ANKRD31: variants seen among roughly 807,000 people sequenced by gnomAD.
ANKRD31 encodes the protein ankyrin repeat domain 31.
Under a neutral mutation model 186.0 loss-of-function variants are expected in ANKRD31, and 147 were observed. The observed-to-expected ratio is 0.79, with a 90% confidence interval of 0.69 to 0.91. ANKRD31 has a LOEUF of 0.91. Among genes scored for constraint, ANKRD31 ranks in the 40% least tolerant of loss-of-function variants. ANKRD31 has a pLI of 0.00. For missense variants in ANKRD31, 1,986 were observed against 2,148.8 expected (o/e 0.92, Z 1.50); for synonymous variants, 673 against 736.4 (o/e 0.91, Z 1.39).
At chr5:75,134,952 C>T (rs1475204269) in intron 17 of ANKRD31, among the ~76,000 whole-genome samples, 1 of 152,078 alleles carries the variant, frequency 6.6e-6, no homozygotes, top group East Asian at 1.9e-4. Flanking sequence ...AAAAGGCCTG[C>T]AACAAAAGTC....
intron 7 of ANKRD31, among the ~76,000 whole-genome samples, chr5:75,195,104 C>T (rs1429027688): frequency 1.3e-5 from 2 of 152,132 alleles, no homozygotes; most frequent in African/African-American, 2.4e-5. Context: ...AGAGCTATGC[C>T]ACCTGATAGT....
intron 10 of ANKRD31, among the ~76,000 whole-genome samples, chr5:75,172,280 A>C (rs1753389543): frequency 6.6e-6 from 1 of 151,912 alleles, no homozygotes; most frequent in Non-Finnish European, 1.5e-5. Flanking sequence ...AATTCACCAC[A>C]GTAGTGAAAT....
At chr5:75,173,216 T>C (rs545477025) in intron 10 of ANKRD31, among the ~76,000 whole-genome samples, 30 of 152,100 alleles carry the variant, frequency 2.0e-4, no homozygotes, top group African/African-American at 6.7e-4. Flanking sequence ...CTCAATAAAC[T>C]AGGTATTGAT....
intron 17 of ANKRD31, among the ~76,000 whole-genome samples, chr5:75,133,280 G>A (rs1198223957): frequency 6.6e-6 from 1 of 152,046 alleles, no homozygotes; most frequent in African/African-American, 2.4e-5. Flanking sequence ...CACGTGCAGA[G>A]ACACACATAG....
chr5:75,188,625 A>C lies in ANKRD31; in HGVS notation c.1432T>G (p.Ser478Ala). 6.5e-7 allele frequency: 1 copy of C among 1,531,138 alleles called. No homozygotes were observed. The highest frequency in any genetic ancestry group is 8.7e-7 in the Non-Finnish European group (1 of 1,144,960). The allele number at this position is 1,531,138 out of a possible 1,614,324, so 94.8% of individuals were successfully genotyped here. Reference protein sequence around the residue: ...KKEKMKVNKISLHSINRRNIF... With the variant: ...KKEKMKVNKIALHSINRRNIF... ...TTTCTCCGGTTAATGCTATGAAGAG[A>C]TATTTTGTTCACCTTCATTTTTTCT... Residue 478 changes from serine (S) to alanine (A), a missense_variant, in exon 10 of 26, where the codon TCT becomes GCT. Ser to Ala is a moderately conservative substitution (Grantham distance 99). Transcript: ENST00000506364.
chr5:75,120,432 C>T (rs2150087317), intron 17 of ANKRD31, among the ~76,000 whole-genome samples: 1 of 152,118 alleles, frequency 6.6e-6, no homozygotes, highest in Admixed American at 6.5e-5. Context: ...TTGCAAGAGG[C>T]AAGCAAGTAA....
intron 4 of ANKRD31, among the ~76,000 whole-genome samples, chr5:75,206,953 G>A (rs1756292776): frequency 6.6e-6 from 1 of 152,172 alleles, no homozygotes; most frequent in Non-Finnish European, 1.5e-5. Flanking sequence ...CAAAGAAAAG[G>A]TAGGGAATAC....
At chr5:75,233,223 C>T (rs992976512) in intron 1 of ANKRD31, among the ~76,000 whole-genome samples, 2 of 151,724 alleles carry the variant, frequency 1.3e-5, no homozygotes, top group South Asian at 2.1e-4. Flanking sequence ...CCACCATGCC[C>T]GGTTAATTTT....
intron 4 of ANKRD31, among the ~76,000 whole-genome samples, chr5:75,207,712 TATAA>T (rs1192831788): frequency 1.3e-5 from 2 of 152,078 alleles, no homozygotes; most frequent in Non-Finnish European, 2.9e-5. Context: ...AAAACAAAAA[TATAA>T]ATAAAGCCTA....
intron 14 of ANKRD31, among the ~76,000 whole-genome samples, chr5:75,145,262 C>T (rs1263952981): frequency 6.6e-6 from 1 of 152,064 alleles, no homozygotes; most frequent in Non-Finnish European, 1.5e-5. Flanking sequence ...GCTTATAAAT[C>T]ATTCTACTAT....
chr5:75,177,262 G>A (rs965623793), intron 10 of ANKRD31, among the ~76,000 whole-genome samples: 12 of 152,142 alleles, frequency 7.9e-5, no homozygotes, highest in Admixed American at 2.0e-4. Flanking sequence ...TCTAATTGCC[G>A]TACCTGAAAG....
chr5:75,104,358 C>G lies in ANKRD31; in HGVS notation c.5201G>C (p.Gly1734Ala). The G allele has an allele frequency of 6.5e-7, 1 of 1,536,934 alleles. No homozygotes were observed. Among genetic ancestry groups the G allele is most frequent in the Non-Finnish European group, 8.7e-7 (1 of 1,146,844 alleles). The change falls in exon 22 of 26, where the codon GGG (glycine) becomes GCG (alanine). Residue 1734 changes from glycine (G) to alanine (A), a missense_variant. Transcript: ENST00000506364. ...DSQISSSSGSGQQDTIKKALN... is the reference protein window; with the variant it reads ...DSQISSSSGSAQQDTIKKALN... ...AGCCTTTTTTATTGTATCTTGTTGC[C>G]CAGATCCAGAGGAAGAGGAGATCTG...
At chr5:75,130,036 G>T (rs1749635146) in intron 17 of ANKRD31, among the ~76,000 whole-genome samples, 1 of 152,238 alleles carries the variant, frequency 6.6e-6, no homozygotes, top group South Asian at 2.1e-4. Context: ...GAGTGTTACA[G>T]TTCTTAAAGA....
intron 12 of ANKRD31, among the ~76,000 whole-genome samples, chr5:75,150,613 G>A (rs1188033132): frequency 2.6e-5 from 4 of 151,948 alleles, no homozygotes; most frequent in Non-Finnish European, 5.9e-5. Flanking sequence ...ATGGAGAAAT[G>A]TTTGGGATTC....
chr5:75,224,133 A>ATATATATATATATATATATATATG (rs1757477514), intron 2 of ANKRD31, among the ~76,000 whole-genome samples: 3 of 53,800 alleles, frequency 5.6e-5, no homozygotes, highest in East Asian at 8.8e-4. Flanking sequence ...AAATAATTAT[A>ATATATATATATATATATATATATG]TATATATATA....
chr5:75,075,630 C>T (rs1219558400), intron 25 of ANKRD31, among the ~76,000 whole-genome samples: 1 of 152,030 alleles, frequency 6.6e-6, no homozygotes, highest in Non-Finnish European at 1.5e-5. Flanking sequence ...ACCACCAATC[C>T]AACCATACCC....
rs1444192689 is a variant in ANKRD31 at position 75,118,182 on chromosome 5, C to T, written c.3992G>A (p.Gly1331Asp). The change falls in exon 18 of 26, where the codon GGT becomes GAT. Residue 1331 changes from glycine to aspartate, a missense_variant. Gly to Asp is a moderately conservative substitution (Grantham distance 94). Coordinates refer to ENST00000506364, the MANE Select transcript of ANKRD31 (RefSeq NM_001372053.1). Reference protein sequence around the residue: ...EKMKELLRSYGAIETVNRDES... With the variant: ...EKMKELLRSYDAIETVNRDES... ...ATCTCTATTAACAGTCTCAATAGCACCATAAGATCTTAGTAATTCTTTCAT... is the reference window on the plus strand; with the variant it reads ...ATCTCTATTAACAGTCTCAATAGCATCATAAGATCTTAGTAATTCTTTCAT... The T allele has an allele frequency of 6.6e-7, 1 of 1,525,224 alleles. No homozygotes were observed. Among genetic ancestry groups the T allele is most frequent in the Non-Finnish European group, 8.7e-7 (1 of 1,143,274 alleles). 94.5% of individuals were successfully genotyped at this position (1,525,224 alleles called of 1,614,324 possible). A position where few individuals can be genotyped will look rare whatever the true frequency, so the allele number is the denominator to read the frequency against.
chr5:75,079,795 C>T (rs971116810), intron 25 of ANKRD31, among the ~76,000 whole-genome samples: 2 of 152,074 alleles, frequency 1.3e-5, no homozygotes, highest in African/African-American at 4.8e-5. Flanking sequence ...CCTCTTATAT[C>T]CCACAATTAG....
At chr5:75,229,869 AAAAAAAAAAAAAAAAAAAC>A (rs1275833342) in intron 2 of ANKRD31, among the ~76,000 whole-genome samples, 2 of 105,974 alleles carry the variant, frequency 1.9e-5, no homozygotes, top group East Asian at 5.4e-4. Flanking sequence ...TGTCTCAAAA[AAAAAAAAAAAAAAAAAAAC>A]AAAAAAAACA....
Sources: allele counts gnomAD v4.1 joint callset (sites outside exome capture counted in the v4.1 genomes callset), GRCh38; gene constraint gnomAD v4.1.1; transcripts MANE v1.5; gene names NCBI Gene and HGNC (gene_info 2026-07-23, HGNC 2026-07-21).